The following KCNT2 variants were observed in gnomAD, a reference collection of about 807,000 sequenced individuals.
The protein encoded by KCNT2 is potassium channel subfamily T member 2.
A neutral mutation model predicts 153.8 loss-of-function variants in KCNT2; 67 were observed. The observed-to-expected ratio is 0.44, with a 90% CI of 0.36 to 0.53. The LOEUF (loss-of-function observed/expected upper bound fraction) is 0.53. Among genes scored for constraint, KCNT2 ranks in the 20% least tolerant of loss-of-function variants. The pLI, the probability that KCNT2 is intolerant of heterozygous loss-of-function variation, is 0.00. For synonymous variants in KCNT2, 500 were observed against 458.8 expected (o/e 1.09, Z -1.15); for missense variants, 975 against 1,354.8 (o/e 0.72, Z 4.40).
chr1:196,241,471 G>A (rs1018591080), intron 26 of KCNT2, among the ~76,000 whole-genome samples: 1 of 152,028 alleles, frequency 6.6e-6, no homozygotes, highest in African/African-American at 2.4e-5. Context: ...GAACTGACCA[G>A]TATATTTGGA....
chr1:196,243,531 C>G (rs992595019), intron 26 of KCNT2, among the ~76,000 whole-genome samples: 1 of 152,210 alleles, frequency 6.6e-6, no homozygotes, highest in African/African-American at 2.4e-5. Flanking sequence ...TCTGTGCACT[C>G]GGGGAATGGA....
intron 8 of KCNT2, among the ~76,000 whole-genome samples, chr1:196,460,495 C>A (rs1450959883): frequency 6.6e-6 from 1 of 151,636 alleles, no homozygotes; most frequent in East Asian, 1.9e-4. Flanking sequence ...TATTATCCAA[C>A]TACCATAAGA....
chr1:196,415,117 G>A (rs1364746234), intron 12 of KCNT2, among the ~76,000 whole-genome samples: 1 of 151,794 alleles, frequency 6.6e-6, no homozygotes, highest in Non-Finnish European at 1.5e-5. Flanking sequence ...GAAATGATCT[G>A]GACCAAGCTC....
intron 1 of KCNT2, among the ~76,000 whole-genome samples, chr1:196,585,853 T>C (rs1662614438): frequency 6.6e-6 from 1 of 152,152 alleles, no homozygotes; most frequent in East Asian, 1.9e-4. Context: ...TTTCAAGTAC[T>C]TTAGTTTTTA....
At chr1:196,368,302 A>T (rs1202662349) in intron 14 of KCNT2, among the ~76,000 whole-genome samples, 1 of 152,110 alleles carries the variant, frequency 6.6e-6, no homozygotes, top group East Asian at 1.9e-4. Flanking sequence ...TTACTCCCTC[A>T]CTGCGTTTTC....
At chr1:196,404,037 C>A (rs909441542) in intron 12 of KCNT2, 1 of 326,222 alleles carries the variant, frequency 3.1e-6, no homozygotes, top group South Asian at 1.2e-4. Flanking sequence ...ACATTCTTAT[C>A]CCAAACTGAA....
chr1:196,318,803 G>C (rs1184820208), intron 20 of KCNT2, among the ~76,000 whole-genome samples: 1 of 151,764 alleles, frequency 6.6e-6, no homozygotes, highest in Non-Finnish European at 1.5e-5. Flanking sequence ...TAAAATGTAA[G>C]TGTTAAAGTT....
At chr1:196,255,747 G>A (rs1363688695) in intron 26 of KCNT2, among the ~76,000 whole-genome samples, 1 of 151,694 alleles carries the variant, frequency 6.6e-6, no homozygotes, top group African/African-American at 2.4e-5. Flanking sequence ...CTTGGTTTCA[G>A]AAATTATGGA....
chr1:196,514,854 T>C (rs139283009), intron 1 of KCNT2, among the ~76,000 whole-genome samples: 14 of 152,314 alleles, frequency 9.2e-5, no homozygotes, highest in African/African-American at 3.1e-4. Context: ...GCGAAACTAT[T>C]TGTACCTTAA....
intron 23 of KCNT2, among the ~76,000 whole-genome samples, chr1:196,284,409 T>C (rs1038425794): frequency 6.7e-6 from 1 of 148,696 alleles, no homozygotes; most frequent in Non-Finnish European, 1.5e-5. Context: ...TATAGAACAG[T>C]TTTTAGAACA....
intron 22 of KCNT2, among the ~76,000 whole-genome samples, chr1:196,299,473 T>C (rs1401275442): frequency 1.3e-5 from 2 of 151,892 alleles, no homozygotes; most frequent in Non-Finnish European, 2.9e-5. Context: ...CCTGCTCATT[T>C]CTCCCCAAAA....
At chr1:196,290,249 C>T (rs1297203328) in intron 22 of KCNT2, among the ~76,000 whole-genome samples, 2 of 152,178 alleles carry the variant, frequency 1.3e-5, no homozygotes, top group African/African-American at 4.8e-5. Context: ...CCTACTTGAA[C>T]TTTCTTACAG....
intron 25 of KCNT2, among the ~76,000 whole-genome samples, chr1:196,278,839 C>A (rs1018030268): frequency 6.6e-6 from 1 of 152,174 alleles, no homozygotes; most frequent in Non-Finnish European, 1.5e-5. Flanking sequence ...TGTTCTCCAT[C>A]ACCCCACAAT....
chr1:196,247,826 A>G (rs1655590133), intron 26 of KCNT2, among the ~76,000 whole-genome samples: 1 of 152,176 alleles, frequency 6.6e-6, no homozygotes, highest in African/African-American at 2.4e-5. Flanking sequence ...ATTACATTTC[A>G]TCCAATGGCT....
At chr1:196,238,749 G>A (rs955876782) in intron 26 of KCNT2, among the ~76,000 whole-genome samples, 3 of 151,826 alleles carry the variant, frequency 2.0e-5, no homozygotes, top group Admixed American at 1.3e-4. Context: ...GTTAATGGGC[G>A]CAGCAAACCA....
intron 22 of KCNT2, among the ~76,000 whole-genome samples, chr1:196,297,085 A>G (rs994869187): frequency 2.6e-5 from 4 of 151,328 alleles, no homozygotes; most frequent in South Asian, 2.1e-4. Context: ...TCATTTATTG[A>G]GAAGTGAAAT....
At chr1:196,600,135 C>A (rs889734949) in intron 1 of KCNT2, among the ~76,000 whole-genome samples, 1 of 152,128 alleles carries the variant, frequency 6.6e-6, no homozygotes, top group Non-Finnish European at 1.5e-5. Context: ...ATTTCTAATT[C>A]ACTCCTCTGC....
intron 1 of KCNT2, among the ~76,000 whole-genome samples, chr1:196,534,498 T>G (rs1421978352): frequency 6.6e-6 from 1 of 152,162 alleles, no homozygotes; most frequent in Non-Finnish European, 1.5e-5. Context: ...GCTTATGTCT[T>G]GAAATTATTC....
chr1:196,326,961 T>C (rs1412467126), intron 18 of KCNT2, 72 bp from the exon 19 acceptor site: 30 of 799,602 alleles, frequency 3.8e-5, no homozygotes, highest in Admixed American at 5.7e-5. Flanking sequence ...ATTTAAGCTA[T>C]AGGAAAATGT....
Sources: allele counts gnomAD v4.1 joint callset (sites outside exome capture counted in the v4.1 genomes callset), GRCh38; gene constraint gnomAD v4.1.1; transcripts MANE v1.5; gene names NCBI Gene and HGNC (gene_info 2026-07-23, HGNC 2026-07-21).